Variants in EYS observed in about 807,000 individuals in gnomAD.
EYS encodes EGF-like photoreceptor maintenance factor.
Under a neutral mutation model 282.1 loss-of-function variants are expected in EYS, and 250 were observed. That is an observed-to-expected ratio of 0.89 (90% CI 0.80 to 0.98). EYS has a LOEUF of 0.98. Ranked by LOEUF, EYS falls within the 50% of genes least tolerant of loss-of-function variation. EYS has a pLI of 0.00. For synonymous variants in EYS, 1,355 were observed against 1,282.9 expected (o/e 1.06, Z -1.20); for missense variants, 4,016 against 3,709.0 (o/e 1.08, Z -2.15).
At chr6:63,875,022 A>G (rs371097557) in intron 35 of EYS, among the ~76,000 whole-genome samples, 1 of 152,110 alleles carries the variant, frequency 6.6e-6, no homozygotes, top group Non-Finnish European at 1.5e-5. Context: ...AATAGGAGTG[A>G]TGAGAGAGGG....
intron 31 of EYS, among the ~76,000 whole-genome samples, chr6:64,226,173 A>G (rs192963739): frequency 9.5e-4 from 145 of 152,258 alleles, no homozygotes; most frequent in Middle Eastern, 3.4e-3. Flanking sequence ...TAATAAATAA[A>G]TTCGGACTAC....
intron 33 of EYS, among the ~76,000 whole-genome samples, chr6:64,053,936 C>T (rs753371031): frequency 2.6e-5 from 4 of 152,082 alleles, no homozygotes; most frequent in Non-Finnish European, 4.4e-5. Context: ...AGCTAAATTT[C>T]CATGGCCTTT....
intron 2 of EYS, among the ~76,000 whole-genome samples, chr6:65,519,543 C>T (rs952659590): frequency 2.0e-5 from 3 of 147,624 alleles, no homozygotes; most frequent in African/African-American, 7.5e-5. Flanking sequence ...TAATAGAATA[C>T]TAAATTAATA....
rs1053968704 is a variant in EYS, at chr6:65,190,425, C to T, written c.2023+105438G>A. Among the ~76,000 whole-genome samples, 25 of 150,480 alleles carry T rather than the reference C, an allele frequency of 1.7e-4. 1 individual carries two copies. Among genetic ancestry groups the T allele is most frequent in the Admixed American group, 4.7e-4 (7 of 15,010 alleles). ...GTTATACTCATTTTTTCTTTGGTTTCTAAGATACATTAAAATTTGAAAATA... is the reference window on the plus strand; with the variant it reads ...GTTATACTCATTTTTTCTTTGGTTTTTAAGATACATTAAAATTTGAAAATA... On this transcript the variant is annotated intron_variant, in intron 12 of 42. Transcript: ENST00000503581.
At chr6:64,196,019 T>C (rs1765275795) in intron 31 of EYS, among the ~76,000 whole-genome samples, 1 of 152,032 alleles carries the variant, frequency 6.6e-6, no homozygotes, top group Non-Finnish European at 1.5e-5. Flanking sequence ...ATATCCAGAA[T>C]CTACAATGAA....
chr6:64,303,851 A>C (rs1313803512), intron 30 of EYS, among the ~76,000 whole-genome samples: 1 of 151,620 alleles, frequency 6.6e-6, no homozygotes, highest in Non-Finnish European at 1.5e-5. Context: ...AAAAAAAAAA[A>C]AAAAAAAAAA....
intron 31 of EYS, among the ~76,000 whole-genome samples, chr6:64,155,361 G>A (rs1774882007): frequency 6.9e-6 from 1 of 145,478 alleles, no homozygotes; most frequent in Admixed American, 6.8e-5. Flanking sequence ...TTTTTTTTTG[G>A]TAAAATATGC....
At chr6:65,597,732 G>T (rs985232793) in intron 2 of EYS, among the ~76,000 whole-genome samples, 4 of 151,578 alleles carry the variant, frequency 2.6e-5, no homozygotes, top group African/African-American at 9.8e-5. Flanking sequence ...CATTATCCAA[G>T]ACCTTATTTA....
intron 34 of EYS, among the ~76,000 whole-genome samples, chr6:63,994,621 A>T (rs1474599965): frequency 6.6e-6 from 1 of 151,922 alleles, no homozygotes; most frequent in African/African-American, 2.4e-5. Context: ...ACTCCAGACC[A>T]CTTTCCACAA....
At chr6:64,895,420 A>G (rs1411083931) in intron 18 of EYS, among the ~76,000 whole-genome samples, 1 of 152,228 alleles carries the variant, frequency 6.6e-6, no homozygotes, top group Non-Finnish European at 1.5e-5. Context: ...TGGCCTACCC[A>G]TTCAATGAAA....
In EYS at chr6:64,417,535, C is replaced by T. The variant is rs988818213; in HGVS notation, c.5927+18639G>A. ...GCATTGAATAATGACAAGTTTCTGA[C>T]AATTATAAAGCAGTGACATTCAGGA... On this transcript the variant is annotated intron_variant, in intron 28 of 42. Transcript: ENST00000503581. 9.2e-5 allele frequency among the ~76,000 whole-genome samples: 14 copies of T among 152,072 alleles called. No homozygotes were observed. In the East Asian group the frequency reaches 1.5e-3, roughly 17 times the overall value.
chr6:64,465,371 A>C (rs979253262), intron 26 of EYS, among the ~76,000 whole-genome samples: 1 of 152,162 alleles, frequency 6.6e-6, no homozygotes, highest in African/African-American at 2.4e-5. Context: ...TCTGCTACCA[A>C]GCTATAATAA....
intron 31 of EYS, among the ~76,000 whole-genome samples, chr6:64,202,732 A>G (rs965482075): frequency 6.6e-6 from 1 of 152,182 alleles, no homozygotes; most frequent in Non-Finnish European, 1.5e-5. Flanking sequence ...GTAGGCCCTA[A>G]GTCCAATAAG....
intron 26 of EYS, among the ~76,000 whole-genome samples, chr6:64,519,749 G>A (rs560904977): frequency 6.6e-6 from 1 of 151,934 alleles, no homozygotes; most frequent in South Asian, 2.1e-4. Flanking sequence ...AGTATTGTCT[G>A]TGTTCTGTGA....
intron 2 of EYS, among the ~76,000 whole-genome samples, chr6:65,587,724 C>T (rs1036444230): frequency 2.6e-5 from 4 of 152,014 alleles, no homozygotes; most frequent in African/African-American, 9.7e-5. Flanking sequence ...AAAAAGAAAA[C>T]ATAAAAGGAT....
intron 14 of EYS, among the ~76,000 whole-genome samples, chr6:64,989,039 T>C (rs1032174607): frequency 1.3e-5 from 2 of 151,416 alleles, no homozygotes; most frequent in Non-Finnish European, 3.0e-5. Flanking sequence ...TAATGCCTTG[T>C]ATGGGACAGG....
intron 22 of EYS, among the ~76,000 whole-genome samples, chr6:64,775,551 T>C (rs1423379314): frequency 2.6e-5 from 4 of 152,042 alleles, no homozygotes; most frequent in African/African-American, 9.7e-5. Flanking sequence ...AAAGAGATTA[T>C]AGGAAAAAAT....
At chr6:65,153,604 C>A (rs1764668251) in intron 12 of EYS, among the ~76,000 whole-genome samples, 1 of 151,608 alleles carries the variant, frequency 6.6e-6, no homozygotes, top group African/African-American at 2.4e-5. Flanking sequence ...TCAGTGCTGC[C>A]ATGTTCTTTA....
intron 30 of EYS, among the ~76,000 whole-genome samples, chr6:64,277,441 A>T (rs954925119): frequency 6.6e-6 from 1 of 152,122 alleles, no homozygotes; most frequent in Admixed American, 6.5e-5. Flanking sequence ...TGTAAGATAA[A>T]CCTAAACCTG....
Sources: gnomAD v4.1 joint callset for allele counts (sites outside exome capture counted in the v4.1 genomes callset) on GRCh38, gnomAD v4.1.1 for gene constraint, MANE v1.5 for transcripts, NCBI Gene and HGNC (gene_info 2026-07-23, HGNC 2026-07-21) for gene names.